The following ZNF875 variants were observed in gnomAD, a reference collection of about 807,000 sequenced individuals.
The protein encoded by ZNF875 is HKR1, GLI-Kruppel zinc finger family member.
Under a neutral mutation model 11.2 loss-of-function variants are expected in ZNF875, and 14 were observed. That is an observed-to-expected ratio of 1.26 (90% CI 0.83 to 1.96). ZNF875 has a LOEUF of 1.96. Among genes scored for constraint, ZNF875 ranks in the 30% most tolerant of loss-of-function variants. The pLI is 0.00. For synonymous variants in ZNF875, 301 were observed against 281.1 expected, an observed-to-expected ratio of 1.07 and a Z score of -0.71; for missense variants, 752 against 760.4, an observed-to-expected ratio of 0.99 and a Z score of 0.13.
intron 2 of ZNF875, chr19:37,344,692 T>C (rs753740155): frequency 1.2e-6 from 2 of 1,613,882 alleles, no homozygotes; most frequent in South Asian, 1.1e-5. Context: ...ATCATGAGGG[T>C]CAACCACACA....
At chr19:37,326,983 A>T (rs1374220623) in intron 4 of ZNF875, among the ~76,000 whole-genome samples, 1 of 150,796 alleles carries the variant, frequency 6.6e-6, no homozygotes, top group Non-Finnish European at 1.5e-5. Context: ...AGCTTATTTT[A>T]TTTTATTATT....
upstream of ZNF875, among the ~76,000 whole-genome samples, chr19:37,330,387 C>G (rs1000544560): frequency 2.6e-5 from 4 of 152,166 alleles, no homozygotes; most frequent in African/African-American, 9.7e-5. Context: ...CTTGAATGTA[C>G]CCTCCAGGGT....
rs142954472 is a variant in ZNF875, at chr19:37,351,284, G to T, written c.256+3412G>T. On this transcript the variant is annotated intron_variant, in intron 4 of 4. Coordinates refer to ENST00000392153, the MANE Select transcript of ZNF875 (RefSeq NM_001353803.2). ...TAAAAGTGTGTATATTTCTCTAGTG[G>T]TGCTTCCTCTTTCATTCCCCATATT... Among the ~76,000 whole-genome samples, 336 of 152,180 alleles carry T rather than the reference G, an allele frequency of 2.2e-3. 2 individuals carry two copies. Among genetic ancestry groups the T allele is most frequent in the Non-Finnish European group, 3.9e-3 (265 of 68,012 alleles).
intron 2 of ZNF875, among the ~76,000 whole-genome samples, chr19:37,342,843 A>C (rs1351335314): frequency 6.6e-6 from 1 of 152,196 alleles, no homozygotes; most frequent in Non-Finnish European, 1.5e-5. Flanking sequence ...TGCCTTGTTC[A>C]AGCTGCCATA....
At chr19:37,325,067 T>TG (rs1454413356) in intron 4 of ZNF875, 1 of 152,262 alleles carries the variant, frequency 6.6e-6, no homozygotes, top group Non-Finnish European at 1.5e-5. Context: ...CCTGAGCCAC[T>TG]GTGCCCGGCT....
intron 4 of ZNF875, among the ~76,000 whole-genome samples, chr19:37,352,879 T>C (rs866162277): frequency 1.6e-4 from 24 of 145,744 alleles, no homozygotes; most frequent in Middle Eastern, 3.5e-3. Context: ...TTTTTCTTTT[T>C]TTTTTTTTTT....
In ZNF875 at chr19:37,362,939, G is replaced by A. The variant is rs1322155982; in HGVS notation, c.1087G>A (p.Glu363Lys). 1 of 1,614,190 alleles carries A rather than the reference G, an allele frequency of 6.2e-7. No homozygotes were observed. The highest frequency in any genetic ancestry group is 1.7e-5 in the Admixed American group (1 of 60,028). The change falls in exon 5 of 5, where the codon GAG becomes AAG. Residue 363 changes from glutamate to lysine, a missense_variant. Transcript: ENST00000392153. ...LITHQRAHTG[E>K]KPYVCRECGR... is the part of the protein sequence containing the mutation. ...TACCCACCAGAGGGCGCACACTGGG[G>A]AGAAGCCTTATGTTTGCAGGGAATG...
At chr19:37,318,146 TA>T (rs1487934811) in exon 1 of ZNF875, 3 of 153,898 alleles carry the variant, frequency 1.9e-5, no homozygotes, top group African/African-American at 7.2e-5. Flanking sequence ...GACTGTGATG[TA>T]GTTTCCTGAC....
upstream of ZNF875, among the ~76,000 whole-genome samples, chr19:37,316,724 G>A (rs530391072): frequency 1.3e-5 from 2 of 151,434 alleles, no homozygotes; most frequent in South Asian, 4.2e-4. Context: ...GCGCAGGGGC[G>A]CGATCTCGGC....
At position 37,341,157 on chromosome 19, in the gene ZNF875, G is replaced by A. The variant is rs1448979595; in HGVS notation, c.33+5900G>A. On this transcript the variant is annotated intron_variant, in intron 2 of 4. Coordinates refer to ENST00000392153, the MANE Select transcript of ZNF875 (RefSeq NM_001353803.2). ...TCATGGGCATCCCAGCAAGCCAACG[G>A]TCACATTAGTCACCACGTATTTTTC... Among the ~76,000 whole-genome samples the A allele has an allele frequency of 2.0e-5, 3 of 152,264 alleles. No homozygotes were observed. In the East Asian group the frequency reaches 5.8e-4, roughly 29 times the overall value.
Position 37,362,715 on chromosome 19 carries a change from G to A in ZNF875, c.863G>A (p.Gly288Glu), listed in dbSNP as rs1456269994. The change falls in exon 5 of 5, where the codon GGG becomes GAG. Residue 288 changes from glycine (G) to glutamate (E), a missense_variant. Physicochemically the swap from Gly to Glu is moderately conservative, Grantham distance 98. Coordinates refer to ENST00000392153, the MANE Select transcript of ZNF875 (RefSeq NM_001353803.2). The stretch of plus-strand genomic sequence containing the variant: ...AAGCCTTATGTGTGCAGGGAATGTG[G>A]GCGAGGCTTTACGTGGAAGTCAAAC... ...GGKPYVCRECGRGFTWKSNLI... is the reference protein window; with the variant it reads ...GGKPYVCRECERGFTWKSNLI... 6.2e-7 allele frequency: 1 copy of A among 1,613,514 alleles called. No homozygotes were observed. Among genetic ancestry groups the A allele is most frequent in the South Asian group, 1.1e-5 (1 of 90,966 alleles).
intron 4 of ZNF875, among the ~76,000 whole-genome samples, chr19:37,326,490 C>T (rs1228209436): frequency 1.3e-5 from 2 of 152,082 alleles, no homozygotes; most frequent in Non-Finnish European, 2.9e-5. Flanking sequence ...TCCTCTCACC[C>T]TCATTTCAGT....
intron 1 of ZNF875, 190 bp downstream of exon 1, chr19:37,334,972 C>T (rs2034018698): frequency 1.9e-6 from 1 of 514,100 alleles, no homozygotes; most frequent in Non-Finnish European, 3.6e-6. Context: ...ACAAGGGCTT[C>T]ACTCCCTGTC....
chr19:37,341,912 G>A (rs548839357), intron 2 of ZNF875, among the ~76,000 whole-genome samples: 1 of 152,216 alleles, frequency 6.6e-6, no homozygotes, highest in African/African-American at 2.4e-5. Context: ...CTCCCATTCA[G>A]AAAGGACAGG....
At chr19:37,342,908 C>T (rs1006155800) in intron 2 of ZNF875, among the ~76,000 whole-genome samples, 1 of 152,150 alleles carries the variant, frequency 6.6e-6, no homozygotes, top group African/African-American at 2.4e-5. Context: ...ACTGGTTTTC[C>T]AGCCTGTGCT....
At chr19:37,359,592 CGG>C (rs1568653212) in intron 4 of ZNF875, 1 of 208,180 alleles carries the variant, frequency 4.8e-6, no homozygotes, top group Admixed American at 5.9e-5. Flanking sequence ...TTAGTAGAGA[CGG>C]GGTTTCACCA....
At position 37,324,151 on chromosome 19, in the gene ZNF875, C is replaced by G. The variant is rs1225156503; in HGVS notation, c.-660-57C>G. ...ATAAACTGCGGAGAACGTTTACTAA[C>G]TGCAGATGATAGAGAAATCACCAGT... On this transcript the variant is annotated intron_variant, in intron 3 of 5. Transcript: ENST00000544914. 3.3e-5 allele frequency: 5 copies of G among 152,200 alleles called. No homozygotes were observed. In the East Asian group the frequency reaches 9.6e-4, roughly 29 times the overall value. 9.4% of individuals were successfully genotyped at this position (152,200 alleles called of 1,614,324 possible).
chr19:37,318,513 A>G (rs1274454212), intron 1 of ZNF875, among the ~76,000 whole-genome samples: 2 of 149,614 alleles, frequency 1.3e-5, no homozygotes, highest in Non-Finnish European at 3.0e-5. Context: ...TTATGAAATC[A>G]TATTTGTTTT....
At position 37,363,146 on chromosome 19, in the gene ZNF875, A is replaced by G; in HGVS notation, c.1294A>G (p.Ser432Gly). The G allele has an allele frequency of 6.2e-7, 1 of 1,613,978 alleles. No homozygotes were observed. Among genetic ancestry groups the G allele is most frequent in the Non-Finnish European group, 8.5e-7 (1 of 1,179,996 alleles). The change falls in exon 5 of 5, where the codon AGC (serine) becomes GGC (glycine). Residue 432 changes from serine to glycine, a missense_variant. Physicochemically the swap from Ser to Gly is moderately conservative, Grantham distance 56. Coordinates refer to ENST00000392153, the MANE Select transcript of ZNF875 (RefSeq NM_001353803.2). ...ATGCACAGAATGTGGGCGTCACTTT[A>G]GCTGGAAATCAAACCTCAAAACACA... ...YVCTECGRHF[S>G]WKSNLKTHQR...
Sources: allele counts gnomAD v4.1 joint callset (sites outside exome capture counted in the v4.1 genomes callset), GRCh38; gene constraint gnomAD v4.1.1; transcripts MANE v1.5; gene names NCBI Gene and HGNC (gene_info 2026-07-23, HGNC 2026-07-21).